Variants in EPM2A observed in about 807,000 individuals in gnomAD.
The protein encoded by EPM2A is laforin.
Under a neutral mutation model 26.5 loss-of-function variants are expected in EPM2A, and 21 were observed. The ratio of observed to expected loss-of-function variants is 0.79; its 90% CI spans 0.56 to 1.14. The LOEUF is 1.14. EPM2A is among the 50% of genes most tolerant of loss of function. The pLI, the probability that EPM2A is intolerant of heterozygous loss-of-function variation, is 0.00. For missense variants in EPM2A, 458 were observed against 440.8 expected, an observed-to-expected ratio of 1.04 and a Z score of -0.35; for synonymous variants, 217 against 177.6, an observed-to-expected ratio of 1.22 and a Z score of -1.76.
chr6:145,679,180 G>A (rs571009229), intron 2 of EPM2A, among the ~76,000 whole-genome samples: 3 of 145,466 alleles, frequency 2.1e-5, no homozygotes, highest in East Asian at 2.1e-4. Flanking sequence ...TGAACTGCAC[G>A]TTCACATTCA....
intron 4 of EPM2A, among the ~76,000 whole-genome samples, chr6:145,460,489 T>G (rs1028374189): frequency 2.0e-5 from 3 of 152,140 alleles, no homozygotes; most frequent in African/African-American, 7.2e-5. Flanking sequence ...GTGGGTAAGA[T>G]AAGTATATAT....
chr6:145,392,231 A>G (rs1856268), intron 4 of EPM2A, among the ~76,000 whole-genome samples: 57,028 of 151,998 alleles, frequency 0.38, 10,948 homozygotes, highest in South Asian at 0.45. Context: ...TAGCAGTGTG[A>G]GACCTTTTGT....
At chr6:145,527,830 T>G (rs765159854) in intron 2 of EPM2A, among the ~76,000 whole-genome samples, 4 of 152,120 alleles carry the variant, frequency 2.6e-5, no homozygotes, top group Non-Finnish European at 4.4e-5. Context: ...GAAAGGCATG[T>G]CATAAGCTGA....
chr6:145,678,025 A>G (rs1780198872), intron 2 of EPM2A, among the ~76,000 whole-genome samples: 1 of 152,196 alleles, frequency 6.6e-6, no homozygotes, highest in Non-Finnish European at 1.5e-5. Context: ...CTGACTTCAA[A>G]CTATACTACA....
chr6:145,675,759 C>T (rs1239896278), intron 2 of EPM2A, among the ~76,000 whole-genome samples: 1 of 152,156 alleles, frequency 6.6e-6, no homozygotes, highest in Non-Finnish European at 1.5e-5. Flanking sequence ...GCACCCAATA[C>T]AGGAGCACCC....
intron 4 of EPM2A, among the ~76,000 whole-genome samples, chr6:145,406,496 T>A (rs2114671435): frequency 6.6e-6 from 1 of 152,298 alleles, no homozygotes; most frequent in Admixed American, 6.5e-5. Context: ...AAGAATGATG[T>A]CTGATAAGGC....
chr6:145,507,150 T>C (rs1455834070), intron 2 of EPM2A, among the ~76,000 whole-genome samples: 1 of 152,208 alleles, frequency 6.6e-6, no homozygotes, highest in East Asian at 1.9e-4. Flanking sequence ...TGCTACAAGG[T>C]ATGCATTTTT....
chr6:145,717,240 T>C lies in EPM2A; in HGVS notation c.301+17958A>G, dbSNP rs550833310. 5.3e-5 allele frequency among the ~76,000 whole-genome samples: 8 copies of C among 152,216 alleles called. No homozygotes were observed. The South Asian group carries it at 1.2e-3, about 24-fold the overall frequency. On this transcript the variant is annotated intron_variant, in intron 1 of 3. Coordinates refer to ENST00000367519, the MANE Select transcript of EPM2A (RefSeq NM_005670.4). ...TCAATAAAATACTGGCAAACCGAAT[T>C]CAGCAGCACATCAAAAAGCTTATCC...
chr6:145,661,880 C>T (rs182342525), intron 2 of EPM2A, among the ~76,000 whole-genome samples: 1 of 152,258 alleles, frequency 6.6e-6, no homozygotes, highest in East Asian at 1.9e-4. Context: ...GGTTCTTTCA[C>T]ATTCACTGCA....
At chr6:145,655,206 A>T (rs951479020) in intron 2 of EPM2A, among the ~76,000 whole-genome samples, 11 of 150,146 alleles carry the variant, frequency 7.3e-5, no homozygotes, top group Non-Finnish European at 7.4e-5. Context: ...AAAAAACAGG[A>T]TTGGCTTTTC....
chr6:145,631,650 C>T (rs992289219), intron 3 of EPM2A: 3 of 152,238 alleles, frequency 2.0e-5, no homozygotes, highest in Admixed American at 6.5e-5. Flanking sequence ...GCTAATCTGA[C>T]TCTGGACCAA....
intron 4 of EPM2A, among the ~76,000 whole-genome samples, chr6:145,488,963 G>C (rs1201939460): frequency 6.6e-6 from 1 of 152,180 alleles, no homozygotes; most frequent in Non-Finnish European, 1.5e-5. Context: ...AGCATTGGCT[G>C]CATTGCTCCT....
intron 2 of EPM2A, among the ~76,000 whole-genome samples, chr6:145,520,825 G>A (rs984035099): frequency 6.6e-6 from 1 of 152,140 alleles, no homozygotes; most frequent in Admixed American, 6.5e-5. Flanking sequence ...CGGGTAGTTA[G>A]GGAAGACTTC....
intron 4 of EPM2A, among the ~76,000 whole-genome samples, chr6:145,421,876 A>C (rs1230548846): frequency 6.7e-6 from 1 of 150,038 alleles, no homozygotes; most frequent in East Asian, 1.9e-4. Context: ...AATTTAAGGA[A>C]AAAATTATAA....
At chr6:145,474,422 A>G (rs1451431393) in intron 4 of EPM2A, among the ~76,000 whole-genome samples, 1 of 152,166 alleles carries the variant, frequency 6.6e-6, no homozygotes, top group African/African-American at 2.4e-5. Flanking sequence ...AGATTGAGCC[A>G]TTGCACTCCA....
chr6:145,533,321 C>A (rs1274324712), intron 2 of EPM2A, among the ~76,000 whole-genome samples: 4 of 152,282 alleles, frequency 2.6e-5, no homozygotes. Context: ...TAGACTCCTG[C>A]AATAGCCTCA....
chr6:145,401,170 G>A (rs1228340326), intron 4 of EPM2A, among the ~76,000 whole-genome samples: 1 of 150,974 alleles, frequency 6.6e-6, no homozygotes, highest in African/African-American at 2.4e-5. Context: ...AAACGGGTAG[G>A]GGGAAAAAAA....
At chr6:145,573,379 G>C (rs1780985664) in intron 2 of EPM2A, among the ~76,000 whole-genome samples, 1 of 152,212 alleles carries the variant, frequency 6.6e-6, no homozygotes, top group Admixed American at 6.5e-5. Context: ...CTGCATACCA[G>C]GTACCAGGAG....
intron 4 of EPM2A, among the ~76,000 whole-genome samples, chr6:145,409,940 G>A (rs1778621737): frequency 6.6e-6 from 1 of 152,198 alleles, no homozygotes; most frequent in African/African-American, 2.4e-5. Context: ...TCTTCCAAGT[G>A]AGAGACCAAG....
Sources: allele counts gnomAD v4.1 joint callset (sites outside exome capture counted in the v4.1 genomes callset), GRCh38; gene constraint gnomAD v4.1.1; transcripts MANE v1.5; gene names NCBI Gene and HGNC (gene_info 2026-07-23, HGNC 2026-07-21).